Variants in CEP128 observed in about 807,000 individuals in gnomAD.
The protein encoded by CEP128 is centrosomal protein 128.
CEP128 carries 132 observed loss-of-function variants against 156.7 expected under a neutral mutation model. The observed-to-expected ratio is 0.84, with a 90% CI of 0.73 to 0.97. The LOEUF is 0.97. CEP128 is among the 50% of genes least tolerant of loss of function. The pLI is 0.00. For missense variants in CEP128, 1,252 were observed against 1,281.9 expected (o/e 0.98, Z 0.36); for synonymous variants, 469 against 448.9 (o/e 1.04, Z -0.57).
At position 80,761,941 on chromosome 14, in the gene CEP128, AGAT is replaced by A. The variant is rs1899991891; in HGVS notation, c.2377-331_2377-329del. On this transcript the variant is annotated intron_variant, in intron 16 of 24. Coordinates refer to ENST00000555265, the MANE Select transcript of CEP128 (RefSeq NM_152446.5). ...ATTCTCAGTAATGAATGAGAGTAAA[AGAT>A]GATGTCAGACACTGACTTCAAGCTT... Among the ~76,000 whole-genome samples, 3 of 152,268 alleles carry A rather than the reference AGAT, an allele frequency of 2.0e-5. No homozygotes were observed. In the South Asian group the frequency reaches 6.2e-4, roughly 32 times the overall value.
At chr14:80,599,994 C>A (rs55854538) in intron 19 of CEP128, among the ~76,000 whole-genome samples, 4,321 of 152,232 alleles carry the variant, frequency 0.028, 218 homozygotes, top group African/African-American at 0.098. Flanking sequence ...GAGGTAGGAG[C>A]TACAGGGGTG....
intron 19 of CEP128, among the ~76,000 whole-genome samples, chr14:80,641,551 G>A (rs1894408690): frequency 6.6e-6 from 1 of 152,164 alleles, no homozygotes; most frequent in Admixed American, 6.5e-5. Context: ...TACAGTGCCT[G>A]GTAGAAAGTA....
intron 4 of CEP128, among the ~76,000 whole-genome samples, chr14:80,910,619 G>A (rs1175231488): frequency 2.6e-5 from 4 of 152,148 alleles, no homozygotes; most frequent in Admixed American, 2.0e-4. Context: ...CCTGTGGAAC[G>A]GTGAGCCAAT....
At position 80,595,041 on chromosome 14, in the gene CEP128, A is replaced by G. The variant is rs529073175; in HGVS notation, c.2807-14618T>C. On this transcript the variant is annotated intron_variant, in intron 19 of 24. Coordinates refer to ENST00000555265, the MANE Select transcript of CEP128 (RefSeq NM_152446.5). ...CATGCACACATGTGTTTATTGCAGC[A>G]CTATTCACAATAGCAAAGACTTGGA... Among the ~76,000 whole-genome samples the G allele has an allele frequency of 2.0e-5, 3 of 152,324 alleles. No individual in the cohort carries two copies. In the East Asian group the frequency reaches 5.8e-4, roughly 29 times the overall value.
In CEP128 at chr14:80,533,296, T is replaced by A. The variant is rs10149108; in HGVS notation, c.2881-2410A>T. Reference sequence around the variant, plus strand: ...CATAAAATCCTCTTCATAAACACACTCCAATAATATCTGTAGTATTAAAAC... The same window carrying A: ...CATAAAATCCTCTTCATAAACACACACCAATAATATCTGTAGTATTAAAAC... On this transcript the variant is annotated intron_variant, in intron 21 of 24. Coordinates refer to ENST00000555265, the MANE Select transcript of CEP128 (RefSeq NM_152446.5). Among the ~76,000 whole-genome samples the A allele has an allele frequency of 6.6e-5, 10 of 152,054 alleles. No individual in the cohort carries two copies. In the East Asian group the frequency reaches 1.5e-3, roughly 24 times the overall value.
At chr14:80,769,343 T>C (rs1027795427) in intron 16 of CEP128, among the ~76,000 whole-genome samples, 2 of 151,564 alleles carry the variant, frequency 1.3e-5, no homozygotes, top group African/African-American at 4.8e-5. Context: ...GTTTGTTACA[T>C]ATGTATACAT....
intron 14 of CEP128, among the ~76,000 whole-genome samples, chr14:80,482,352 C>T (rs181590505): frequency 5.1e-4 from 78 of 152,292 alleles, no homozygotes; most frequent in African/African-American, 1.7e-3. Context: ...AAGAAGCATA[C>T]GGTTCTTGAC....
Position 80,868,585 on chromosome 14 carries a change from A to T in CEP128, c.646-5712T>A, listed in dbSNP as rs577155474. ...AAGGAAGACAGAGAGAAAAAAATAA[A>T]TGAAGAAACTATAAAACATTCAGAA... On this transcript the variant is annotated intron_variant, in intron 8 of 24. Coordinates refer to ENST00000555265, the MANE Select transcript of CEP128 (RefSeq NM_152446.5). Among the ~76,000 whole-genome samples, 3 of 152,240 alleles carry T rather than the reference A, an allele frequency of 2.0e-5. No homozygotes were observed. In the South Asian group the frequency reaches 6.2e-4, roughly 32 times the overall value.
chr14:80,840,848 A>G, intron 9 of CEP128, 80 bp from the exon 10 acceptor site: 1 of 845,332 alleles, frequency 1.2e-6, no homozygotes. Context: ...ATTATGTATT[A>G]GGGCTGAAGA....
intron 19 of CEP128, among the ~76,000 whole-genome samples, chr14:80,631,039 C>T (rs1893939572): frequency 1.3e-5 from 2 of 151,800 alleles, no homozygotes; most frequent in African/African-American, 2.4e-5. Flanking sequence ...CATGCTTTTT[C>T]GAGTCAATAA....
At chr14:80,735,179 C>T (rs905032525) in intron 19 of CEP128, among the ~76,000 whole-genome samples, 5 of 151,960 alleles carry the variant, frequency 3.3e-5, no homozygotes, top group African/African-American at 1.2e-4. Context: ...GATTTTAACA[C>T]TATAGTACAA....
chr14:80,617,892 C>T (rs573813377), intron 19 of CEP128, among the ~76,000 whole-genome samples: 118 of 152,330 alleles, frequency 7.7e-4, no homozygotes, highest in Non-Finnish European at 1.3e-3. Context: ...TAAGCTCTAT[C>T]GGGCTGCATG....
intron 13 of CEP128, among the ~76,000 whole-genome samples, chr14:80,810,908 T>C (rs990700034): frequency 2.0e-5 from 3 of 152,180 alleles, no homozygotes; most frequent in African/African-American, 7.2e-5. Context: ...AAGTTTAGCA[T>C]GCATTAGCTA....
chr14:80,523,942 T>C (rs915182425), intron 23 of CEP128, among the ~76,000 whole-genome samples: 1 of 152,232 alleles, frequency 6.6e-6, no homozygotes, highest in Non-Finnish European at 1.5e-5. Flanking sequence ...TCAACTCTAC[T>C]GTTCAGTGCA....
chr14:80,854,831 A>T (rs1405112573), intron 9 of CEP128, among the ~76,000 whole-genome samples: 1 of 152,210 alleles, frequency 6.6e-6, no homozygotes, highest in Admixed American at 6.5e-5. Context: ...TTTAGTAAGT[A>T]TTATCTTCAA....
chr14:80,728,730 T>C (rs1234413810), intron 19 of CEP128, among the ~76,000 whole-genome samples: 4 of 152,186 alleles, frequency 2.6e-5, no homozygotes, highest in African/African-American at 7.2e-5. Flanking sequence ...ATAGATTATG[T>C]CTCTGTCTGG....
intron 19 of CEP128, among the ~76,000 whole-genome samples, chr14:80,667,857 C>CA (rs3070047): frequency 0.08 from 7,221 of 89,828 alleles, 588 homozygotes; most frequent in East Asian, 0.24. Flanking sequence ...GACTCCATCT[C>CA]AAAAAAAAAA....
intron 19 of CEP128, among the ~76,000 whole-genome samples, chr14:80,593,136 G>A (rs1003380190): frequency 6.6e-6 from 1 of 152,148 alleles, no homozygotes; most frequent in Non-Finnish European, 1.5e-5. Context: ...CATAGTATTG[G>A]AAGTTCTGGC....
intron 2 of CEP128, among the ~76,000 whole-genome samples, chr14:80,949,714 T>A (rs1270316226): frequency 6.6e-6 from 1 of 152,164 alleles, no homozygotes; most frequent in Non-Finnish European, 1.5e-5. Flanking sequence ...GTAATTTACA[T>A]CTGACGACAA....
Sources: allele counts gnomAD v4.1 joint callset (sites outside exome capture counted in the v4.1 genomes callset), GRCh38; gene constraint gnomAD v4.1.1; transcripts MANE v1.5; gene names NCBI Gene and HGNC (gene_info 2026-07-23, HGNC 2026-07-21).